UBR3: variants seen among roughly 807,000 people sequenced by gnomAD.
UBR3 encodes the protein ubiquitin protein ligase E3 component n-recognin 3, also known as E3 ubiquitin-protein ligase UBR3.
In UBR3, 85 loss-of-function variants were observed where a neutral mutation model predicts 243.2. That is an observed-to-expected ratio of 0.35 (90% CI 0.29 to 0.42). The LOEUF is 0.42. UBR3 is among the 10% of genes least tolerant of loss of function. The probability of loss-of-function intolerance (pLI) is 1.00; values close to 1 mark genes in which losing one functional copy is unlikely to be tolerated. For synonymous variants in UBR3, 748 were observed against 799.8 expected (o/e 0.94, Z 1.09); for missense variants, 1,686 against 2,300.8 (o/e 0.73, Z 5.47).
intron 23 of UBR3, among the ~76,000 whole-genome samples, chr2:169,956,354 T>C (rs866938643): frequency 7.9e-5 from 12 of 151,552 alleles, no homozygotes; most frequent in African/African-American, 2.9e-4. Context: ...TATAACCACT[T>C]TCTTCTAATC....
chr2:169,972,087 A>C (rs2088181750), intron 24 of UBR3, among the ~76,000 whole-genome samples: 2 of 152,242 alleles, frequency 1.3e-5, no homozygotes, highest in Non-Finnish European at 2.9e-5. Context: ...AGGGGATATC[A>C]CCACCGATCC....
intron 10 of UBR3, among the ~76,000 whole-genome samples, chr2:169,913,257 A>G (rs2085325396): frequency 6.6e-6 from 1 of 151,218 alleles, no homozygotes; most frequent in Non-Finnish European, 1.5e-5. Context: ...TTTTCCTATG[A>G]TGTTGAGCAT....
At chr2:170,016,866 C>G (rs2090251303) in intron 30 of UBR3, 6 of 850,858 alleles carry the variant, frequency 7.1e-6, no homozygotes, top group Non-Finnish European at 9.1e-6. Context: ...TTTACTAAAT[C>G]AGAAATTATA....
chr2:170,067,554 T>C (rs1038432993), intron 35 of UBR3, among the ~76,000 whole-genome samples: 2 of 152,022 alleles, frequency 1.3e-5, no homozygotes, highest in Non-Finnish European at 2.9e-5. Flanking sequence ...GAATATATAT[T>C]ATATATATAC....
At chr2:169,974,172 A>C (rs984383913) in intron 24 of UBR3, among the ~76,000 whole-genome samples, 7 of 152,120 alleles carry the variant, frequency 4.6e-5, no homozygotes, top group African/African-American at 1.7e-4. Flanking sequence ...GTATCATGGT[A>C]ATGCTTGCCT....
intron 31 of UBR3, among the ~76,000 whole-genome samples, chr2:170,030,795 C>T (rs1025433388): frequency 3.3e-5 from 5 of 151,922 alleles, no homozygotes; most frequent in African/African-American, 1.2e-4. Context: ...TTTTTTCCCC[C>T]TTGACTTATA....
chr2:169,980,935 A>C (rs983228505), intron 24 of UBR3, among the ~76,000 whole-genome samples: 2 of 151,164 alleles, frequency 1.3e-5, no homozygotes, highest in African/African-American at 4.9e-5. Flanking sequence ...GTACTCAAAA[A>C]CAAACAACCC....
intron 1 of UBR3, among the ~76,000 whole-genome samples, chr2:169,856,088 G>A (rs1359362531): frequency 1.3e-5 from 2 of 149,204 alleles, no homozygotes; most frequent in Non-Finnish European, 3.0e-5. Flanking sequence ...GGCGGCTGCC[G>A]GGCGGAGGGG....
chr2:170,056,043 T>G (rs2091328251), intron 33 of UBR3, among the ~76,000 whole-genome samples: 1 of 136,696 alleles, frequency 7.3e-6, no homozygotes, highest in Non-Finnish European at 1.5e-5. Context: ...ACTCTCTGTC[T>G]GTCACCTAGG....
intron 24 of UBR3, among the ~76,000 whole-genome samples, chr2:169,979,515 A>G (rs1281106275): frequency 6.6e-6 from 1 of 152,228 alleles, no homozygotes; most frequent in Admixed American, 6.5e-5. Context: ...CCTTCCATAG[A>G]TGAATGGATA....
intron 3 of UBR3, 123 bp from the exon 4 acceptor site, chr2:169,877,371 A>T: frequency 1.2e-6 from 1 of 839,672 alleles, no homozygotes; most frequent in Non-Finnish European, 1.8e-6. Context: ...ATCTTATATT[A>T]TTCATTCTAG....
intron 28 of UBR3, 98 bp downstream of exon 28, chr2:170,007,288 T>C: frequency 7.7e-7 from 1 of 1,295,974 alleles, no homozygotes; most frequent in Non-Finnish European, 1.1e-6. Context: ...GACTTTTACA[T>C]ATTTAGTAGA....
chr2:169,880,437 C>T (rs1425859767), intron 5 of UBR3, among the ~76,000 whole-genome samples: 14 of 152,154 alleles, frequency 9.2e-5, no homozygotes, highest in Non-Finnish European at 1.9e-4. Flanking sequence ...AGCTGATCTT[C>T]AACACAGATG....
chr2:169,993,359 G>A (rs1011898954), intron 25 of UBR3, among the ~76,000 whole-genome samples: 1 of 152,130 alleles, frequency 6.6e-6, no homozygotes, highest in African/African-American at 2.4e-5. Flanking sequence ...TGTGGTCAGA[G>A]TCAGTAATAT....
chr2:170,079,118 T>G (rs1462149471), intron 36 of UBR3, among the ~76,000 whole-genome samples: 1 of 152,238 alleles, frequency 6.6e-6, no homozygotes, highest in African/African-American at 2.4e-5. Context: ...TTTTTAAGTG[T>G]GAATGGAGTA....
At chr2:169,959,331 G>C (rs2087457418) in intron 24 of UBR3, among the ~76,000 whole-genome samples, 1 of 151,770 alleles carries the variant, frequency 6.6e-6, no homozygotes. Flanking sequence ...AACTTTGACA[G>C]AAAGAATACA....
intron 19 of UBR3, 132 bp from the exon 20 acceptor site, chr2:169,942,361 A>G: frequency 2.3e-6 from 2 of 877,416 alleles, no homozygotes; most frequent in Non-Finnish European, 3.4e-6. Context: ...CCTCTTTGGC[A>G]TTTTAAGCAA....
At chr2:169,962,383 C>A (rs1309627638) in intron 24 of UBR3, among the ~76,000 whole-genome samples, 1 of 152,032 alleles carries the variant, frequency 6.6e-6, no homozygotes, top group Non-Finnish European at 1.5e-5. Flanking sequence ...GCCAGTTAAG[C>A]CTTTAAATGA....
At chr2:169,970,035 C>T (rs888018273) in intron 24 of UBR3, among the ~76,000 whole-genome samples, 14 of 145,504 alleles carry the variant, frequency 9.6e-5, no homozygotes, top group Non-Finnish European at 1.3e-4. Flanking sequence ...TTTTCTACCT[C>T]TGTGAAGAAT....
Sources: allele counts gnomAD v4.1 joint callset (sites outside exome capture counted in the v4.1 genomes callset), GRCh38; gene constraint gnomAD v4.1.1; transcripts MANE v1.5; gene names NCBI Gene and HGNC (gene_info 2026-07-23, HGNC 2026-07-21).